CD300A: variants seen among roughly 807,000 people sequenced by gnomAD.
CD300A encodes CD300a molecule, also known as CMRF35-like molecule 8.
CD300A carries 22 observed loss-of-function variants against 33.6 expected under a neutral mutation model. That is an observed-to-expected ratio of 0.66 (90% CI 0.47 to 0.94). CD300A has a LOEUF of 0.94. CD300A is among the 40% of genes least tolerant of loss of function. The pLI is 0.00. For synonymous variants in CD300A, 136 were observed against 148.1 expected (o/e 0.92, Z 0.59); for missense variants, 326 against 360.5 (o/e 0.90, Z 0.77).
chr17:74,478,895 A>G (rs938228067), intron 4 of CD300A, among the ~76,000 whole-genome samples: 1 of 152,134 alleles, frequency 6.6e-6, no homozygotes, highest in African/African-American at 2.4e-5. Context: ...CCTCTTTCCC[A>G]TCTGCTTTGT....
At chr17:74,481,014 A>G (rs372989177) in intron 4 of CD300A, among the ~76,000 whole-genome samples, 1 of 152,124 alleles carries the variant, frequency 6.6e-6, no homozygotes, top group Admixed American at 6.5e-5. Flanking sequence ...TTCCCAAAGC[A>G]CTGGGATTAC....
At chr17:74,473,466 C>T in intron 1 of CD300A, 70 bp from the exon 2 acceptor site, 1 of 1,476,860 alleles carries the variant, frequency 6.8e-7, no homozygotes, top group Non-Finnish European at 9.3e-7. Context: ...GTCCATGCGG[C>T]CCTGACCCCA....
chr17:74,473,447 A>AC, intron 1 of CD300A, 89 bp from the exon 2 acceptor site: 1 of 1,269,352 alleles, frequency 7.9e-7, no homozygotes, highest in Admixed American at 2.2e-5. Flanking sequence ...CCTCCTCCAC[A>AC]CCCCCAGGGT....
At position 74,477,506 on chromosome 17, in the gene CD300A, A is replaced by AGG; in HGVS notation, c.605_606dup (p.Met203GlyfsTer36). 1 of 1,613,074 alleles carries AGG rather than the reference A, an allele frequency of 6.2e-7. No individual in the cohort carries two copies. Among genetic ancestry groups the AGG allele is most frequent in the African/African-American group, 1.3e-5 (1 of 74,898 alleles). ...GGTGGGGGCCTCCCTGCTAGCCTGGAGGATGTTTCAGAAATGGATCAAAGG... is the reference window on the plus strand; with the variant it reads ...GGTGGGGGCCTCCCTGCTAGCCTGGAGGGGATGTTTCAGAAATGGATCAAAGG... On this transcript the variant is annotated frameshift_variant, in exon 4 of 7. Transcript: ENST00000360141. LOFTEE classifies it high-confidence loss of function.
At position 74,474,936 on chromosome 17, in the gene CD300A, C is replaced by T. The variant is rs549064282; in HGVS notation, c.533+251C>T. On this transcript the variant is annotated intron_variant, in intron 3 of 6. Coordinates refer to ENST00000360141, the MANE Select transcript of CD300A (RefSeq NM_007261.4). ...GTTACTGACAGCTGGTAACATCCTA[C>T]GAGGCCCGTGTTAGATGCTTCACAT... is the stretch of plus-strand genomic sequence containing the variant. Among the ~76,000 whole-genome samples, 69 of 152,298 alleles carry T rather than the reference C, an allele frequency of 4.5e-4. 1 individual carries two copies. The highest frequency in any genetic ancestry group is 8.2e-4 in the Non-Finnish European group (56 of 68,026).
chr17:74,482,732 T>TCCTTCCTTCCTTTCCTTCCTTCC (rs1555639394), intron 6 of CD300A, among the ~76,000 whole-genome samples: 1 of 132,944 alleles, frequency 7.5e-6, no homozygotes, highest in African/African-American at 3.8e-5. Context: ...CTTTCTTTCT[T>TCCTTCCTTCCTTTCCTTCCTTCC]TGGAATCTCG....
In CD300A at chr17:74,481,759, C is replaced by A. The variant is rs1187294303; in HGVS notation, c.700C>A (p.Leu234Met). The change falls in exon 6 of 7, where the codon CTG becomes ATG. Residue 234 changes from leucine (L) to methionine (M), a missense_variant. By Grantham distance (15) the Leu-to-Met change is conservative. Transcript: ENST00000360141. ...GCAGAGTGAGCTGCACTACGCAAAT[C>A]TGGAGCTGCTGATGTGGCCTCTGCA... is the stretch of plus-strand genomic sequence containing the variant. The part of the protein sequence containing the change: ...ATQSELHYAN[L>M]ELLMWPLQEK... The A allele has an allele frequency of 1.2e-6, 2 of 1,612,458 alleles. No homozygotes were observed. The highest frequency in any genetic ancestry group is 1.7e-6 in the Non-Finnish European group (2 of 1,179,636).
chr17:74,482,678 G>GTTCCTTCCTTCCTTCC (rs200839026), intron 6 of CD300A, among the ~76,000 whole-genome samples: 1 of 129,474 alleles, frequency 7.7e-6, no homozygotes, highest in African/African-American at 4.3e-5. Context: ...TCCTGGCCAA[G>GTTCCTTCCTTCCTTCC]TTCCTTCCTT....
chr17:74,481,474 T>C, intron 5 of CD300A, 148 bp downstream of exon 5: 1 of 741,020 alleles, frequency 1.3e-6, no homozygotes, highest in Non-Finnish European at 2.3e-6. Flanking sequence ...GGAGATGTGG[T>C]CACTAGGTCT....
rs1906377155 is a variant in CD300A, at chr17:74,475,113, G to A, written c.533+428G>A. ...GTACTCACAGTTCCACATGGCTGAG[G>A]AGGCCTCACAATCAAGGCAGAAGGC... On this transcript the variant is annotated intron_variant, in intron 3 of 6. Transcript: ENST00000360141. 3.3e-5 allele frequency among the ~76,000 whole-genome samples: 5 copies of A among 152,152 alleles called. No individual in the cohort carries two copies. In the South Asian group the frequency reaches 1.0e-3, roughly 31 times the overall value.
intron 1 of CD300A, among the ~76,000 whole-genome samples, chr17:74,471,787 G>A (rs1464256687): frequency 6.6e-6 from 1 of 152,164 alleles, no homozygotes; most frequent in Non-Finnish European, 1.5e-5. Flanking sequence ...GCAGCCGTGG[G>A]CTGGGTGTGG....
intron 1 of CD300A, 88 bp downstream of exon 1, chr17:74,466,831 CCGAGTCTGGA>C: frequency 6.5e-7 from 1 of 1,547,684 alleles, no homozygotes; most frequent in South Asian, 1.2e-5. Flanking sequence ...ACGAGACGCC[CCGAGTCTGGA>C]CTCCGTGCAG....
chr17:74,469,563 G>A (rs1434259591), intron 1 of CD300A, among the ~76,000 whole-genome samples: 1 of 152,134 alleles, frequency 6.6e-6, no homozygotes, highest in Admixed American at 6.5e-5. Flanking sequence ...GTTGGCTCAC[G>A]CCTGTAATCC....
chr17:74,478,101 C>T (rs925735028), intron 4 of CD300A, among the ~76,000 whole-genome samples: 2 of 152,202 alleles, frequency 1.3e-5, no homozygotes, highest in Admixed American at 6.5e-5. Context: ...GCCTCAACCT[C>T]AGCCTCTCCT....
At chr17:74,470,513 G>T (rs1017681378) in intron 1 of CD300A, among the ~76,000 whole-genome samples, 6 of 152,066 alleles carry the variant, frequency 3.9e-5, no homozygotes, top group African/African-American at 1.2e-4. Flanking sequence ...GAGGTGGTGG[G>T]GTCACTGAGG....
rs1190871222 is a variant in CD300A, at chr17:74,480,796, G to A, written c.629-493G>A. Among the ~76,000 whole-genome samples the A allele has an allele frequency of 6.6e-6, 1 of 152,100 alleles. No individual in the cohort carries two copies. The highest frequency in any genetic ancestry group is 6.5e-5 in the Admixed American group (1 of 15,276). On this transcript the variant is annotated intron_variant, in intron 4 of 6. Transcript: ENST00000360141. This position sits in a 1 kb window ranked among gnomAD's most constrained non-coding sequence, Gnocchi z 4.2. The stretch of plus-strand genomic sequence containing the variant: ...AGAGTCTTGCTCTGTTGCCCAGGCT[G>A]GAGTGCAGTGGCATGATCTCAGCTC...
At chr17:74,469,874 CA>C in intron 1 of CD300A, 1 of 748,976 alleles carries the variant, frequency 1.3e-6, no homozygotes, top group East Asian at 1.3e-4. Flanking sequence ...CAAAAAAATC[CA>C]TTTATTAATG....
In CD300A at chr17:74,480,630, G is replaced by A. The variant is rs561566563; in HGVS notation, c.629-659G>A. ...CAGTCTGATGCAGCCCTAAGCCCCA[G>A]ATGCACAGGGCTTTTCAGTGGCATC... On this transcript the variant is annotated intron_variant, in intron 4 of 6. Coordinates refer to ENST00000360141, the MANE Select transcript of CD300A (RefSeq NM_007261.4). The surrounding 1 kb of genome is among the most constrained non-coding windows in gnomAD (Gnocchi z 4.2). Among the ~76,000 whole-genome samples the A allele has an allele frequency of 6.6e-6, 1 of 152,210 alleles. No homozygotes were observed. The highest frequency in any genetic ancestry group is 2.4e-5 in the African/African-American group (1 of 41,448).
rs1465874624 is a variant in CD300A, at chr17:74,480,893, C to T, written c.629-396C>T. On this transcript the variant is annotated intron_variant, in intron 4 of 6. Transcript: ENST00000360141. This position sits in a 1 kb window ranked among gnomAD's most constrained non-coding sequence, Gnocchi z 4.2. ...CTCCCAAGTAGCTGGGACTACAGGGCGTGTGCCACCATGCCCAGCTAATAT... is the reference window on the plus strand; with the variant it reads ...CTCCCAAGTAGCTGGGACTACAGGGTGTGTGCCACCATGCCCAGCTAATAT... Among the ~76,000 whole-genome samples the T allele has an allele frequency of 2.6e-5, 4 of 152,196 alleles. No homozygotes were observed. Among genetic ancestry groups the T allele is most frequent in the African/African-American group, 7.2e-5 (3 of 41,542 alleles).
Sources: allele counts gnomAD v4.1 joint callset (sites outside exome capture counted in the v4.1 genomes callset), GRCh38; gene constraint gnomAD v4.1.1; non-coding constraint Gnocchi (gnomAD v3.1); transcripts MANE v1.5; gene names NCBI Gene and HGNC (gene_info 2026-07-23, HGNC 2026-07-21).